The following TAF8 variants were observed in gnomAD, a reference collection of about 807,000 sequenced individuals.
TAF8 encodes the protein transcription initiation factor TFIID subunit 8.
A neutral mutation model predicts 36.5 loss-of-function variants in TAF8; 47 were observed. The observed-to-expected ratio is 1.29, with a 90% CI of 1.02 to 1.64. TAF8 has a LOEUF of 1.64. Among genes scored for constraint, TAF8 ranks in the 40% most tolerant of loss-of-function variants. The pLI, the probability that TAF8 is intolerant of heterozygous loss-of-function variation, is 0.00. For synonymous variants in TAF8, 175 were observed against 159.5 expected, an observed-to-expected ratio of 1.10 and a Z score of -0.73; for missense variants, 420 against 407.6, an observed-to-expected ratio of 1.03 and a Z score of -0.26.
Position 42,080,649 on chromosome 6 carries a change from T to A in TAF8, c.*3104T>A. On this transcript the variant is annotated 3_prime_UTR_variant, in exon 9 of 9. Transcript: ENST00000372977. The stretch of plus-strand genomic sequence containing the variant: ...CCTCGGCCTCCCAGTGTGGGTGGGA[T>A]TACAGGCATGAGCCACCGCGCCTGG... The A allele has an allele frequency of 1.0e-6, 1 of 977,336 alleles. No homozygotes were observed. Among genetic ancestry groups the A allele is most frequent in the Non-Finnish European group, 1.2e-6 (1 of 822,656 alleles). 60.5% of individuals were successfully genotyped at this position (977,336 alleles called of 1,614,324 possible).
rs182463460 is a variant in TAF8, at chr6:42,081,006, A to G, written c.*3461A>G. 211 of 981,658 alleles carry G rather than the reference A, an allele frequency of 2.1e-4. No homozygotes were observed. The African/African-American group carries it at 3.4e-3, about 16-fold the overall frequency. The allele number at this position is 981,658 out of a possible 1,614,324, so 60.8% of individuals were successfully genotyped here. A position where few individuals can be genotyped will look rare whatever the true frequency, so the allele number is the denominator to read the frequency against. ...TGTGTTGGCCTAAGCACACCTGGGA[A>G]CTTAGTAAAACTTTTATTTTGGAAA... On this transcript the variant is annotated 3_prime_UTR_variant, in exon 9 of 9. Coordinates refer to ENST00000372977, the MANE Select transcript of TAF8 (RefSeq NM_138572.3).
At chr6:42,057,541 G>A (rs774150620) in intron 5 of TAF8, 28 bp downstream of exon 5, 57 of 1,613,256 alleles carry the variant, frequency 3.5e-5, no homozygotes, top group South Asian at 3.0e-4. Context: ...GGGACTGCGC[G>A]TGGTGTAAAG....
intron 7 of TAF8, among the ~76,000 whole-genome samples, chr6:42,072,395 C>T (rs1307239299): frequency 6.6e-6 from 1 of 152,186 alleles, no homozygotes; most frequent in Non-Finnish European, 1.5e-5. Context: ...CAATCCCTCC[C>T]ATCCTGTTCC....
chr6:42,083,486 C>T (rs951826498), downstream of TAF8, among the ~76,000 whole-genome samples: 5 of 152,318 alleles, frequency 3.3e-5, no homozygotes, highest in Middle Eastern at 3.4e-3. Context: ...CGAGTGCCTG[C>T]CTCCTTGCCA....
At chr6:42,084,552 T>A (rs1016235436), downstream of TAF8, among the ~76,000 whole-genome samples, 8 of 152,064 alleles carry the variant, frequency 5.3e-5, no homozygotes, top group Non-Finnish European at 8.8e-5. Context: ...AACCTCCGCC[T>A]CCTGGGTTCA....
chr6:42,080,617 C>T lies in TAF8; in HGVS notation c.*3072C>T. 1 of 850,444 alleles carries T rather than the reference C, an allele frequency of 1.2e-6. No homozygotes were observed. 52.7% of individuals were successfully genotyped at this position (850,444 alleles called of 1,614,324 possible). A position where few individuals can be genotyped will look rare whatever the true frequency, so the allele number is the denominator to read the frequency against. ...TCTCGAACACCTGACCTCAGATGAT[C>T]CACCCACCTCGGCCTCCCAGTGTGG... On this transcript the variant is annotated 3_prime_UTR_variant, in exon 9 of 9. Transcript: ENST00000372977.
At chr6:42,070,320 C>G (rs1166498658) in intron 7 of TAF8, among the ~76,000 whole-genome samples, 1 of 141,516 alleles carries the variant, frequency 7.1e-6, no homozygotes, top group African/African-American at 2.5e-5. Flanking sequence ...AACCCGATCT[C>G]TACTAAAAAT....
rs774589065 is a variant in TAF8 at position 42,055,637 on chromosome 6, T to C, written c.301+8T>C. The C allele has an allele frequency of 1.0e-5, 16 of 1,607,760 alleles. No individual in the cohort carries two copies. The highest frequency in any genetic ancestry group is 1.2e-5 in the Non-Finnish European group (14 of 1,174,280). On this transcript the variant is annotated splice_region_variant and intron_variant, in intron 3 of 8. Transcript: ENST00000372977. ...TCACACTTGTTGAGATGGGTGAGTA[T>C]ACCTTCAGTTTCCAGTTCTTCGATG...
intron 2 of TAF8, 49 bp downstream of exon 2, chr6:42,051,562 C>T: frequency 1.3e-6 from 2 of 1,579,822 alleles, no homozygotes; most frequent in African/African-American, 1.3e-5. Context: ...AACATCAGTT[C>T]TGTGCCCTGC....
chr6:42,084,000 T>C (rs535514610), downstream of TAF8, among the ~76,000 whole-genome samples: 1 of 151,776 alleles, frequency 6.6e-6, no homozygotes, highest in African/African-American at 2.4e-5. Flanking sequence ...GCTAACACAG[T>C]GAAACCCCGT....
In TAF8 at chr6:42,078,538, C is replaced by T. The variant is rs1342785245; in HGVS notation, c.*993C>T. On this transcript the variant is annotated 3_prime_UTR_variant, in exon 9 of 9. Transcript: ENST00000372977. ...GGAAACAGGAGGCCACACAGCACAG[C>T]TTTGTTTGGGGTGGGCAGGAGTCAG... 2.0e-6 allele frequency: 2 copies of T among 985,416 alleles called. No individual in the cohort carries two copies. Among genetic ancestry groups the T allele is most frequent in the African/African-American group, 3.5e-5 (2 of 57,222 alleles). The allele number at this position is 985,416 out of a possible 1,614,324, so 61.0% of individuals were successfully genotyped here. A position where few individuals can be genotyped will look rare whatever the true frequency, so the allele number is the denominator to read the frequency against.
downstream of TAF8, chr6:42,087,070 C>T (rs1309257137): frequency 5.9e-5 from 24 of 404,468 alleles, no homozygotes; most frequent in East Asian, 9.3e-5. Context: ...CTTGTGGCCT[C>T]GCCTGAAGCC....
intron 5 of TAF8, among the ~76,000 whole-genome samples, chr6:42,057,974 A>G (rs1436459936): frequency 6.6e-6 from 1 of 152,230 alleles, no homozygotes; most frequent in Non-Finnish European, 1.5e-5. Flanking sequence ...AAATGTTCAT[A>G]GTAATTTTGG....
chr6:42,057,538 C>T (rs773284924), intron 5 of TAF8, 25 bp downstream of exon 5: 21 of 1,613,324 alleles, frequency 1.3e-5, no homozygotes, highest in Admixed American at 8.3e-5. Flanking sequence ...ACTGGGACTG[C>T]GCGTGGTGTA....
rs575743751 is a variant in TAF8 at position 42,050,577 on chromosome 6, C to T, written c.36C>T (p.Gly12=). The change falls in exon 1 of 9, where the codon GGC becomes GGT. Residue 12 remains glycine (G), a synonymous_variant. Transcript: ENST00000372977. ...ADAAATAGAG[G]SGTRSGSKQS... is the part of the protein sequence containing the mutation. ...CGGCGGCCACAGCTGGGGCCGGTGGCTCCGGAACGGTAAGGGCAGGAAGCG... is the reference window on the plus strand; with the variant it reads ...CGGCGGCCACAGCTGGGGCCGGTGGTTCCGGAACGGTAAGGGCAGGAAGCG... 7 of 1,553,484 alleles carry T rather than the reference C, an allele frequency of 4.5e-6. No individual in the cohort carries two copies. The highest frequency in any genetic ancestry group is 1.7e-4 in the Middle Eastern group (1 of 5,994).
chr6:42,076,063 C>A (rs1428570611), intron 7 of TAF8, among the ~76,000 whole-genome samples: 2 of 152,020 alleles, frequency 1.3e-5, no homozygotes, highest in Non-Finnish European at 2.9e-5. Flanking sequence ...AAAAACTTAG[C>A]GGGATGTGGT....
Position 42,068,331 on chromosome 6 carries a change from T to C in TAF8, c.638-134T>C, listed in dbSNP as rs56176723. 4.5e-3 allele frequency: 4,051 copies of C among 900,898 alleles called. 115 individuals carry two copies. In the African/African-American group the frequency reaches 0.055, roughly 12 times the overall value. The allele number at this position is 900,898 out of a possible 1,614,324, so 55.8% of individuals were successfully genotyped here. On this transcript the variant is annotated intron_variant, in intron 6 of 8. Coordinates refer to ENST00000372977, the MANE Select transcript of TAF8 (RefSeq NM_138572.3). ...CCGTAGAACATTGCCTGGCCTGTTGTGTAAGTACTTGGAGCGAGTTAGCTA... is the reference window on the plus strand; with the variant it reads ...CCGTAGAACATTGCCTGGCCTGTTGCGTAAGTACTTGGAGCGAGTTAGCTA...
At chr6:42,058,306 G>C (rs79179781) in intron 5 of TAF8, among the ~76,000 whole-genome samples, 2 of 152,050 alleles carry the variant, frequency 1.3e-5, no homozygotes, top group African/African-American at 4.8e-5. Flanking sequence ...ATCTAACCTG[G>C]GAGACAGAGG....
chr6:42,068,492 C>A lies in TAF8; in HGVS notation c.665C>A (p.Pro222His), dbSNP rs1291816869. The A allele has an allele frequency of 6.2e-7, 1 of 1,614,122 alleles. No homozygotes were observed. Among genetic ancestry groups the A allele is most frequent in the East Asian group, 2.2e-5 (1 of 44,888 alleles). Residue 222 changes from proline to histidine, a missense_variant, in exon 7 of 9, where the codon CCC becomes CAC. By Grantham distance (77) the Pro-to-His change is moderately conservative (BLOSUM62 -2). Coordinates refer to ENST00000372977, the MANE Select transcript of TAF8 (RefSeq NM_138572.3). ...ATTGCTGCCAGACCTTTCACCATCC[C>A]CTACCTGACAGCTCTTCTTCCGTCT... is the stretch of plus-strand genomic sequence containing the variant. ...PLIAARPFTI[P>H]YLTALLPSEL...
Sources: allele counts gnomAD v4.1 joint callset (sites outside exome capture counted in the v4.1 genomes callset), GRCh38; gene constraint gnomAD v4.1.1; transcripts MANE v1.5; gene names NCBI Gene and HGNC (gene_info 2026-07-23, HGNC 2026-07-21).